Variants in RARB observed in about 807,000 individuals in gnomAD.
RARB encodes retinoic acid receptor beta.
In RARB, 17 loss-of-function variants were observed where a neutral mutation model predicts 51.9. The ratio of observed to expected loss-of-function variants is 0.33; its 90% CI spans 0.22 to 0.49. The LOEUF (loss-of-function observed/expected upper bound fraction) is 0.49, where lower values mean the gene tolerates loss of function less well. RARB is among the 20% of genes least tolerant of loss of function. The probability of loss-of-function intolerance (pLI) is 0.99; values close to 1 mark genes in which losing one functional copy is unlikely to be tolerated. For synonymous variants in RARB, 215 were observed against 195.4 expected (o/e 1.10, Z -0.84); for missense variants, 369 against 550.8 (o/e 0.67, Z 3.30).
At chr3:25,587,851 AG>A (rs1701461206) in intron 5 of RARB, among the ~76,000 whole-genome samples, 1 of 152,238 alleles carries the variant, frequency 6.6e-6, no homozygotes, top group South Asian at 2.1e-4. Flanking sequence ...AGAGTGACCA[AG>A]ATGGTTGAGC....
intron 5 of RARB, among the ~76,000 whole-genome samples, chr3:25,301,290 C>A (rs78420170): frequency 5.9e-5 from 9 of 152,262 alleles, no homozygotes; most frequent in African/African-American, 1.9e-4. Flanking sequence ...CCTCAGCTAC[C>A]TGGGGACTCT....
At chr3:25,299,851 A>G (rs1309728076) in intron 5 of RARB, among the ~76,000 whole-genome samples, 1 of 152,234 alleles carries the variant, frequency 6.6e-6, no homozygotes, top group African/African-American at 2.4e-5. Context: ...CCTGTTCAAG[A>G]GTAATTTGCT....
chr3:25,576,617 G>T (rs1291500203), intron 4 of RARB, among the ~76,000 whole-genome samples: 1 of 152,190 alleles, frequency 6.6e-6, no homozygotes, highest in Non-Finnish European at 1.5e-5. Flanking sequence ...ACCTCCAGGG[G>T]AATCCTGCGG....
intron 2 of RARB, among the ~76,000 whole-genome samples, chr3:24,966,262 T>C (rs1232406017): frequency 6.6e-6 from 1 of 152,088 alleles, no homozygotes; most frequent in Non-Finnish European, 1.5e-5. Flanking sequence ...AAAGAGACTG[T>C]TAGGTCAGCC....
intron 1 of RARB, among the ~76,000 whole-genome samples, chr3:24,831,536 ATC>A (rs939234244): frequency 6.6e-6 from 1 of 152,206 alleles, no homozygotes; most frequent in African/African-American, 2.4e-5. Context: ...GCTGTTTATT[ATC>A]TGTCTTTATA....
rs550510936 is a variant in RARB, at chr3:25,571,494, GGA to G, written c.609+1580_609+1581del. ...ACACTGGCATGTCTGCCAGGCCGAG[GGA>G]GAGTCTCGGCTTAACCTCAACCAGT... On this transcript the variant is annotated intron_variant, in intron 4 of 7. Coordinates refer to ENST00000330688, the MANE Select transcript of RARB (RefSeq NM_000965.5). Among the ~76,000 whole-genome samples the G allele has an allele frequency of 8.5e-5, 13 of 152,362 alleles. No individual in the cohort carries two copies. In the South Asian group the frequency reaches 2.1e-3, roughly 24 times the overall value.
At chr3:25,497,167 G>A (rs949412128) in intron 2 of RARB, among the ~76,000 whole-genome samples, 2 of 152,178 alleles carry the variant, frequency 1.3e-5, no homozygotes, top group African/African-American at 4.8e-5. Flanking sequence ...TTACAGGGGT[G>A]AGCCACCGCG....
chr3:25,561,593 A>C (rs1700274203), intron 3 of RARB, among the ~76,000 whole-genome samples: 1 of 152,020 alleles, frequency 6.6e-6, no homozygotes, highest in Admixed American at 6.6e-5. Flanking sequence ...TGGCTGGAAC[A>C]ACTGGGCTGT....
intron 3 of RARB, among the ~76,000 whole-genome samples, chr3:25,076,181 G>A (rs551031243): frequency 3.8e-4 from 57 of 150,068 alleles, no homozygotes; most frequent in Middle Eastern, 7.0e-3. Context: ...TCTCTCTGTC[G>A]CCCAGGCTGG....
At chr3:25,296,192 C>A (rs1187404023) in intron 5 of RARB, among the ~76,000 whole-genome samples, 1 of 152,136 alleles carries the variant, frequency 6.6e-6, no homozygotes, top group East Asian at 1.9e-4. Context: ...AAGACACATA[C>A]ATCATGAAGT....
At chr3:25,056,609 G>C in intron 2 of RARB, among the ~76,000 whole-genome samples, 1 of 151,984 alleles carries the variant, frequency 6.6e-6, no homozygotes, top group East Asian at 1.9e-4. Context: ...CTTAGTAGCA[G>C]TTTCATTATA....
chr3:25,067,949 C>T (rs559603239), intron 3 of RARB, among the ~76,000 whole-genome samples: 17 of 151,604 alleles, frequency 1.1e-4, no homozygotes, highest in South Asian at 4.2e-4. Context: ...CCAGGCTGGC[C>T]GGCATGGTAA....
chr3:25,427,617 T>A (rs549277499), upstream of RARB, among the ~76,000 whole-genome samples: 1 of 152,298 alleles, frequency 6.6e-6, no homozygotes, highest in South Asian at 2.1e-4. Flanking sequence ...AGAGGATTTT[T>A]CAAAGTAAAT....
intron 5 of RARB, among the ~76,000 whole-genome samples, chr3:25,186,641 TAATG>T (rs1273020928): frequency 6.6e-6 from 1 of 152,048 alleles, no homozygotes; most frequent in Non-Finnish European, 1.5e-5. Flanking sequence ...CATAGAAAGA[TAATG>T]AATGGAAATG....
chr3:25,101,310 C>T (rs546238137), intron 3 of RARB, among the ~76,000 whole-genome samples: 1 of 152,016 alleles, frequency 6.6e-6, no homozygotes, highest in South Asian at 2.1e-4. Flanking sequence ...AAAACATGCA[C>T]GTGGAAAAGA....
chr3:25,233,899 G>C (rs1358792766), intron 5 of RARB, among the ~76,000 whole-genome samples: 2 of 151,154 alleles, frequency 1.3e-5, no homozygotes, highest in African/African-American at 4.9e-5. Flanking sequence ...TTTGAATGTT[G>C]AGCTATCCTT....
intron 2 of RARB, among the ~76,000 whole-genome samples, chr3:25,482,897 T>G (rs1422216765): frequency 6.6e-6 from 1 of 152,204 alleles, no homozygotes; most frequent in African/African-American, 2.4e-5. Context: ...ATATACATTA[T>G]GTACTGCAAT....
intron 3 of RARB, among the ~76,000 whole-genome samples, chr3:25,114,494 C>T (rs1699654201): frequency 6.6e-6 from 1 of 152,096 alleles, no homozygotes; most frequent in Non-Finnish European, 1.5e-5. Context: ...CTTTGTGCTC[C>T]AGGATGTGTA....
intron 2 of RARB, among the ~76,000 whole-genome samples, chr3:24,964,010 A>G (rs980898603): frequency 2.0e-5 from 3 of 152,160 alleles, no homozygotes; most frequent in African/African-American, 4.8e-5. Context: ...GAACAGAACA[A>G]AAGGGTCACA....
Sources: gnomAD v4.1 joint callset for allele counts (sites outside exome capture counted in the v4.1 genomes callset) on GRCh38, gnomAD v4.1.1 for gene constraint, MANE v1.5 for transcripts, NCBI Gene and HGNC (gene_info 2026-07-23, HGNC 2026-07-21) for gene names.